Variants in HERC2 observed in about 807,000 individuals in gnomAD.
HERC2 encodes the protein E3 ubiquitin-protein ligase HERC2.
Under a neutral mutation model 537.7 loss-of-function variants are expected in HERC2, and 102 were observed. The ratio of observed to expected loss-of-function variants is 0.19; its 90% confidence interval spans 0.16 to 0.22. The LOEUF (loss-of-function observed/expected upper bound fraction) is 0.22, where lower values mean the gene tolerates loss of function less well. Among genes scored for constraint, HERC2 ranks in the 10% least tolerant of loss-of-function variants. The pLI, the probability that HERC2 is intolerant of heterozygous loss-of-function variation, is 1.00. For missense variants in HERC2, 4,236 were observed against 6,198.2 expected (o/e 0.68, Z 10.63); for synonymous variants, 2,224 against 2,466.2 (o/e 0.90, Z 2.91).
chr15:28,172,073 CAAA>C (rs371110090), intron 65 of HERC2, among the ~76,000 whole-genome samples: 1 of 55,066 alleles, frequency 1.8e-5, no homozygotes. Context: ...GACTCCGTCT[CAAA>C]AAAAAAAAAA....
intron 23 of HERC2, among the ~76,000 whole-genome samples, chr15:28,242,052 A>C (rs1448959762): frequency 6.6e-6 from 1 of 152,206 alleles, no homozygotes; most frequent in South Asian, 2.1e-4. Context: ...ATGCTAAGTG[A>C]AATAAGCCAA....
intron 83 of HERC2, among the ~76,000 whole-genome samples, chr15:28,126,591 G>T (rs574269543): frequency 6.6e-6 from 1 of 152,348 alleles, no homozygotes; most frequent in East Asian, 1.9e-4. Flanking sequence ...CAACCTGGAT[G>T]GGACTAGAGA....
rs1363881797 is a variant in HERC2 at position 28,205,264 on chromosome 15, A to G, written c.7212+976T>C. ...TCTACACGGCCTTCCAGTTGTTCAC[A>G]CTCGGCATCTCCCAGCATGACTGCT... On this transcript the variant is annotated intron_variant, in intron 45 of 92. Transcript: ENST00000261609. Among the ~76,000 whole-genome samples, 24 of 99,160 alleles carry G rather than the reference A, an allele frequency of 2.4e-4. No homozygotes were observed. The East Asian group carries it at 4.1e-3, about 17-fold the overall frequency. 65.1% of individuals were successfully genotyped at this position (99,160 alleles called of 152,430 possible).
rs1201717765 is a variant in HERC2, at chr15:28,317,092, T to A, written c.72+4270A>T. 3.3e-5 allele frequency among the ~76,000 whole-genome samples: 5 copies of A among 151,108 alleles called. No individual in the cohort carries two copies. The South Asian group carries it at 8.4e-4, about 25-fold the overall frequency. On this transcript the variant is annotated intron_variant, in intron 2 of 92. Coordinates refer to ENST00000261609, the MANE Select transcript of HERC2 (RefSeq NM_004667.6). ...TCTACTGATATTTCTAAGCATGAAG[T>A]GACAATTTTTTTTTTTGAGATGGAG...
At chr15:28,300,201 C>A (rs1041154324) in intron 2 of HERC2, among the ~76,000 whole-genome samples, 3 of 151,630 alleles carry the variant, frequency 2.0e-5, no homozygotes, top group African/African-American at 7.3e-5. Flanking sequence ...GGCAGCAGGA[C>A]CAGAAAAAGC....
At chr15:28,255,039 G>A (rs2075211247) in intron 19 of HERC2, among the ~76,000 whole-genome samples, 2 of 152,144 alleles carry the variant, frequency 1.3e-5, no homozygotes, top group Admixed American at 1.3e-4. Flanking sequence ...GCTCTACATG[G>A]CCAAAAACCA....
intron 2 of HERC2, among the ~76,000 whole-genome samples, chr15:28,316,735 G>A (rs752202982): frequency 1.3e-5 from 2 of 152,112 alleles, no homozygotes; most frequent in Non-Finnish European, 2.9e-5. Flanking sequence ...CCTGAGAACA[G>A]AATTTATCAA....
chr15:28,151,885 AACTAACTACAG>A (rs1241265000), intron 70 of HERC2, among the ~76,000 whole-genome samples: 32 of 152,244 alleles, frequency 2.1e-4, no homozygotes, highest in Non-Finnish European at 3.1e-4. Context: ...CACCTTGAAC[AACTAACTACAG>A]GATGAAGGGA....
chr15:28,115,312 T>A, intron 89 of HERC2, 117 bp downstream of exon 89: 2 of 491,808 alleles, frequency 4.1e-6, no homozygotes, highest in Non-Finnish European at 7.2e-6. Context: ...GCCAACAGCC[T>A]CTGCGTCACC....
At chr15:28,198,286 C>G (rs1897543457) in intron 50 of HERC2, 92 bp downstream of exon 50, 1 of 1,404,814 alleles carries the variant, frequency 7.1e-7, no homozygotes. Context: ...CACTTGTTTT[C>G]TGTTTTGTGT....
At chr15:28,150,530 C>A (rs1356537494) in intron 70 of HERC2, among the ~76,000 whole-genome samples, 1 of 145,868 alleles carries the variant, frequency 6.9e-6, no homozygotes, top group Non-Finnish European at 1.5e-5. Context: ...GCCACATGAA[C>A]GTATACTCTA....
At position 28,124,124 on chromosome 15, in the gene HERC2, G is replaced by C; in HGVS notation, c.13101C>G (p.Phe4367Leu). The C allele has an allele frequency of 6.2e-7, 1 of 1,605,828 alleles. No homozygotes were observed. The highest frequency in any genetic ancestry group is 8.5e-7 in the Non-Finnish European group (1 of 1,176,012). The stretch of plus-strand genomic sequence containing the variant: ...TTTCGTCGAGCGAGCCTTCCAGGTC[G>C]AACATGGGGATGCAGGGGCAGAAGA... ...SELFCPCIPM[F>L]DLEGSLDETG... The change falls in exon 85 of 93, where the codon TTC (phenylalanine) becomes TTG (leucine). Residue 4367 changes from phenylalanine (F) to leucine (L), a missense_variant. Physicochemically the swap from Phe to Leu is conservative, Grantham distance 22 (BLOSUM62 0). Around this residue, in one of 27 missense-constraint regions of HERC2, gnomAD observed 189 missense variants for 255.7 expected, o/e 0.74. Coordinates refer to ENST00000261609, the MANE Select transcript of HERC2 (RefSeq NM_004667.6).
chr15:28,203,641 C>T (rs1172660976), intron 45 of HERC2: 5 of 152,062 alleles, frequency 3.3e-5, no homozygotes, highest in East Asian at 1.9e-4. Flanking sequence ...ATGCAAGACG[C>T]GCATTTAACC....
Position 28,233,461 on chromosome 15 carries a change from G to C in HERC2, c.4452C>G (p.Val1484=), listed in dbSNP as rs886467066. 6 of 1,426,450 alleles carry C rather than the reference G, an allele frequency of 4.2e-6. No homozygotes were observed. The African/African-American group carries it at 8.5e-5, about 20-fold the overall frequency. The allele number at this position is 1,426,450 out of a possible 1,614,324, so 88.4% of individuals were successfully genotyped here. A position where few individuals can be genotyped will look rare whatever the true frequency, so the allele number is the denominator to read the frequency against. ...TAATGAGCGAACATTTTGCTTGGTA[G>C]ACAACTCTACAAACATCCACCACTG... The part of the protein sequence containing the change: ...PKSVVDVCRV[V]YQAKCSLIKT... Residue 1484 remains valine, a synonymous_variant, in exon 29 of 93, where the codon GTC becomes GTG. Transcript: ENST00000261609.
intron 4 of HERC2, among the ~76,000 whole-genome samples, 161 bp downstream of exon 4, chr15:28,292,727 A>C (rs930706913): frequency 3.9e-5 from 6 of 152,228 alleles, no homozygotes; most frequent in Non-Finnish European, 1.5e-5. Flanking sequence ...AAAATGGTTA[A>C]AACGGTAAGT....
intron 2 of HERC2, chr15:28,316,011 T>C: frequency 5.6e-6 from 2 of 355,358 alleles, no homozygotes; most frequent in Admixed American, 3.8e-5. Flanking sequence ...CTGTGTTTAT[T>C]TGTGGCCGAG....
chr15:28,264,167 G>C (rs1466714657), intron 14 of HERC2, among the ~76,000 whole-genome samples: 1 of 152,092 alleles, frequency 6.6e-6, no homozygotes, highest in Non-Finnish European at 1.5e-5. Flanking sequence ...ACTAAAGATA[G>C]GCAAATATTT....
Position 28,182,472 on chromosome 15 carries a change from T to C in HERC2, c.8866A>G (p.Thr2956Ala), listed in dbSNP as rs763489048. 6 of 1,613,566 alleles carry C rather than the reference T, an allele frequency of 3.7e-6. No homozygotes were observed. In the South Asian group the frequency reaches 5.5e-5, roughly 15 times the overall value. ...CACACAAACACCTTGGTTCTTATCG[T>C]AGCTGCTGATTCCAGCCCAGCAGCC... ...KKAAGLESAA[T>A]IRTKVFVWGL... The change falls in exon 57 of 93, where the codon ACG becomes GCG. Residue 2956 changes from threonine (T) to alanine (A), a missense_variant. Coordinates refer to ENST00000261609, the MANE Select transcript of HERC2 (RefSeq NM_004667.6).
intron 72 of HERC2, among the ~76,000 whole-genome samples, 173 bp downstream of exon 72, chr15:28,144,500 G>A (rs746703696): frequency 4.6e-5 from 7 of 152,204 alleles, no homozygotes; most frequent in Non-Finnish European, 8.8e-5. Context: ...TGGATGGCTG[G>A]GACAGATCTG....
Sources: gnomAD v4.1 joint callset for allele counts (sites outside exome capture counted in the v4.1 genomes callset) on GRCh38, gnomAD v4.1.1 for gene constraint, gnomAD v4.1.1 regional missense constraint, MANE v1.5 for transcripts, NCBI Gene and HGNC (gene_info 2026-07-23, HGNC 2026-07-21) for gene names.